ZFYVE9: variants seen among roughly 807,000 people sequenced by gnomAD.
The protein encoded by ZFYVE9 is zinc finger FYVE domain-containing protein 9.
In ZFYVE9, 43 loss-of-function variants were observed where a neutral mutation model predicts 126.7. That is an observed-to-expected ratio of 0.34 (90% CI 0.27 to 0.44). The LOEUF is 0.44. ZFYVE9 is among the 20% of genes least tolerant of loss of function. The probability of loss-of-function intolerance (pLI) is 1.00; values close to 1 mark genes in which losing one functional copy is unlikely to be tolerated. For synonymous variants in ZFYVE9, 521 were observed against 597.4 expected, an observed-to-expected ratio of 0.87 and a Z score of 1.87; for missense variants, 1,476 against 1,697.0, an observed-to-expected ratio of 0.87 and a Z score of 2.29.
intron 9 of ZFYVE9, among the ~76,000 whole-genome samples, chr1:52,281,201 C>T (rs1245065810): frequency 6.0e-5 from 9 of 149,140 alleles, no homozygotes; most frequent in Non-Finnish European, 8.9e-5. Flanking sequence ...GGCTCGATCT[C>T]GGCTCACTGC....
intron 1 of ZFYVE9, among the ~76,000 whole-genome samples, chr1:52,193,358 T>G (rs1367707911): frequency 6.9e-6 from 1 of 144,966 alleles, no homozygotes; most frequent in Admixed American, 7.0e-5. Flanking sequence ...AAAAGCATAT[T>G]AGGCACATCA....
chr1:52,178,609 A>G (rs1194016516), intron 1 of ZFYVE9, among the ~76,000 whole-genome samples: 1 of 152,154 alleles, frequency 6.6e-6, no homozygotes, highest in African/African-American at 2.4e-5. Context: ...GATTACAGGC[A>G]TGAGCCACCT....
At chr1:52,294,098 A>G (rs904325114) in intron 11 of ZFYVE9, among the ~76,000 whole-genome samples, 1 of 152,260 alleles carries the variant, frequency 6.6e-6, no homozygotes, top group Non-Finnish European at 1.5e-5. Flanking sequence ...AGGCTACAGA[A>G]GAAGGAGCTT....
At chr1:52,179,450 C>T (rs558039673) in intron 1 of ZFYVE9, among the ~76,000 whole-genome samples, 28 of 151,640 alleles carry the variant, frequency 1.8e-4, no homozygotes, top group African/African-American at 5.3e-4. Flanking sequence ...GCCTGGCTAA[C>T]GTTGTGAAAC....
In ZFYVE9 at chr1:52,346,218, A is replaced by G. The variant is rs1252867163; in HGVS notation, c.4275A>G (p.Val1425=). 3.2e-6 allele frequency: 5 copies of G among 1,583,148 alleles called. No individual in the cohort carries two copies. Among genetic ancestry groups the G allele is most frequent in the Non-Finnish European group, 4.3e-6 (5 of 1,160,146 alleles). The change falls in exon 19 of 19, where the codon GTA becomes GTG. Residue 1425 remains valine, a synonymous_variant. Coordinates refer to ENST00000287727, the MANE Select transcript of ZFYVE9 (RefSeq NM_004799.4). ...TCTTTTATATTCTGGAAAACATCGT[A>G]TAAACAGAGAAGACTTCATTTTTTT... ...ELIFYILENI[V]
chr1:52,190,610 G>A (rs755700726), intron 1 of ZFYVE9, among the ~76,000 whole-genome samples: 11 of 152,232 alleles, frequency 7.2e-5, no homozygotes, highest in Non-Finnish European at 1.2e-4. Flanking sequence ...GTCATGTCTG[G>A]ATTACATAAA....
At chr1:52,272,019 A>G (rs1023253166) in intron 7 of ZFYVE9, among the ~76,000 whole-genome samples, 2 of 151,998 alleles carry the variant, frequency 1.3e-5, no homozygotes, top group African/African-American at 4.8e-5. Context: ...TTGTATTTTT[A>G]GTAAGAGACG....
At chr1:52,291,765 C>T (rs1287960883) in intron 10 of ZFYVE9, among the ~76,000 whole-genome samples, 1 of 151,448 alleles carries the variant, frequency 6.6e-6, no homozygotes, top group Non-Finnish European at 1.5e-5. Context: ...ATAGTCCCAG[C>T]TACTCGGGAG....
chr1:52,199,078 T>A (rs934039458), intron 1 of ZFYVE9, among the ~76,000 whole-genome samples: 3 of 151,944 alleles, frequency 2.0e-5, no homozygotes, highest in Non-Finnish European at 4.4e-5. Context: ...GATCTTTTTT[T>A]TTTTTGAGAT....
intron 16 of ZFYVE9, among the ~76,000 whole-genome samples, chr1:52,338,938 A>G (rs1646412219): frequency 1.3e-5 from 2 of 152,122 alleles, no homozygotes; most frequent in South Asian, 4.2e-4. Context: ...TTGAATCGGG[A>G]GGCGGAGGTT....
At chr1:52,333,828 C>T (rs1038606702) in intron 14 of ZFYVE9, among the ~76,000 whole-genome samples, 9 of 150,464 alleles carry the variant, frequency 6.0e-5, no homozygotes, top group Admixed American at 1.3e-4. Flanking sequence ...TGGTGGCTCA[C>T]GCCTGTAATC....
chr1:52,307,747 T>C (rs1336806336), intron 13 of ZFYVE9, among the ~76,000 whole-genome samples: 1 of 151,760 alleles, frequency 6.6e-6, no homozygotes, highest in African/African-American at 2.4e-5. Flanking sequence ...ATTTTCTTTT[T>C]TCTTCTTTTT....
At chr1:52,151,691 A>G (rs543443215) in intron 1 of ZFYVE9, among the ~76,000 whole-genome samples, 1 of 151,118 alleles carries the variant, frequency 6.6e-6, no homozygotes, top group African/African-American at 2.4e-5. Flanking sequence ...AATTTTTTGT[A>G]TTTTTAGTAG....
intron 11 of ZFYVE9, among the ~76,000 whole-genome samples, chr1:52,295,618 C>G (rs1041399167): frequency 6.6e-6 from 1 of 152,098 alleles, no homozygotes; most frequent in Non-Finnish European, 1.5e-5. Context: ...CTGCCTCAGC[C>G]TCCCAAAGTG....
At chr1:52,181,896 C>G (rs548301768) in intron 1 of ZFYVE9, among the ~76,000 whole-genome samples, 1 of 151,916 alleles carries the variant, frequency 6.6e-6, no homozygotes, top group Non-Finnish European at 1.5e-5. Context: ...GCAGCCACCC[C>G]GTCTGGGAAG....
intron 1 of ZFYVE9, among the ~76,000 whole-genome samples, chr1:52,203,874 C>T (rs1338804636): frequency 2.0e-5 from 3 of 152,004 alleles, no homozygotes; most frequent in Non-Finnish European, 4.4e-5. Context: ...TTCTTCATTT[C>T]TGTTATCGTG....
chr1:52,178,247 C>G (rs3015291), intron 1 of ZFYVE9, among the ~76,000 whole-genome samples: 1,743 of 140,076 alleles, frequency 0.012, 34 homozygotes, highest in African/African-American at 0.045. Flanking sequence ...CCACTGCACT[C>G]CAGCCTGGGT....
chr1:52,311,975 G>A (rs1366489705), intron 13 of ZFYVE9, among the ~76,000 whole-genome samples: 1 of 151,832 alleles, frequency 6.6e-6, no homozygotes, highest in Non-Finnish European at 1.5e-5. Context: ...ATTTTTAGTA[G>A]AGACGGGGTT....
intron 1 of ZFYVE9, among the ~76,000 whole-genome samples, chr1:52,187,442 C>G (rs1032050808): frequency 2.0e-5 from 3 of 152,120 alleles, no homozygotes; most frequent in African/African-American, 7.2e-5. Context: ...AAAGCCATTG[C>G]AACAAAAGCA....
Sources: allele counts gnomAD v4.1 joint callset (sites outside exome capture counted in the v4.1 genomes callset), GRCh38; gene constraint gnomAD v4.1.1; transcripts MANE v1.5; gene names NCBI Gene and HGNC (gene_info 2026-07-23, HGNC 2026-07-21).